ENPP6: variants seen among roughly 807,000 people sequenced by gnomAD.
The protein encoded by ENPP6 is ectonucleotide pyrophosphatase/phosphodiesterase 6, also known as glycerophosphocholine cholinephosphodiesterase ENPP6.
ENPP6 carries 32 observed loss-of-function variants against 42.0 expected under a neutral mutation model. The observed-to-expected ratio is 0.76, with a 90% confidence interval of 0.58 to 1.02. The LOEUF is 1.02. ENPP6 is among the 50% of genes least tolerant of loss of function. The pLI, the probability that ENPP6 is intolerant of heterozygous loss-of-function variation, is 0.00. For synonymous variants in ENPP6, 213 were observed against 216.0 expected (o/e 0.99, Z 0.12); for missense variants, 552 against 566.8 (o/e 0.97, Z 0.27).
rs569981988 is a variant in ENPP6, at chr4:184,143,805, T to C, written c.421+9749A>G. 2.6e-5 allele frequency among the ~76,000 whole-genome samples: 4 copies of C among 152,306 alleles called. No individual in the cohort carries two copies. In the East Asian group the frequency reaches 5.8e-4, roughly 22 times the overall value. On this transcript the variant is annotated intron_variant, in intron 2 of 7. Coordinates refer to ENST00000296741, the MANE Select transcript of ENPP6 (RefSeq NM_153343.4). The stretch of plus-strand genomic sequence containing the variant: ...AGTGGCTGCATGGATCTGGAATCCA[T>C]GTTCTGGCTTTTTAAAAAAACATCT...
intron 1 of ENPP6, among the ~76,000 whole-genome samples, chr4:184,193,875 A>C (rs1430445288): frequency 6.6e-6 from 1 of 152,076 alleles, no homozygotes; most frequent in East Asian, 1.9e-4. Flanking sequence ...CCCCTAACCT[A>C]AGGGTGTTTT....
Position 184,089,969 on chromosome 4 carries a change from A to G in ENPP6, c.*1208T>C, listed in dbSNP as rs1735759307. 1 of 152,200 alleles carries G rather than the reference A, an allele frequency of 6.6e-6. No homozygotes were observed. Among genetic ancestry groups the G allele is most frequent in the African/African-American group, 2.4e-5 (1 of 41,446 alleles). The allele number at this position is 152,200 out of a possible 1,614,324, so 9.4% of individuals were successfully genotyped here. ...TGGCTCTTCTCAAAGGTATCAAAAG[A>G]ACTTAGGTCTCAAAGGTGGTACTTT... On this transcript the variant is annotated 3_prime_UTR_variant, in exon 8 of 8. Coordinates refer to ENST00000296741, the MANE Select transcript of ENPP6 (RefSeq NM_153343.4).
chr4:184,107,954 T>C (rs1736131497), intron 6 of ENPP6, among the ~76,000 whole-genome samples: 1 of 152,136 alleles, frequency 6.6e-6, no homozygotes, highest in Admixed American at 6.5e-5. Context: ...TGTCTTTATC[T>C]TTTTCAGTGA....
At chr4:184,165,586 T>G (rs887830720) in intron 1 of ENPP6, among the ~76,000 whole-genome samples, 1 of 152,202 alleles carries the variant, frequency 6.6e-6, no homozygotes, top group Non-Finnish European at 1.5e-5. Context: ...TGCCAGACAT[T>G]CTCTTATCTC....
chr4:184,194,006 G>A (rs1349636430), intron 1 of ENPP6, among the ~76,000 whole-genome samples: 1 of 152,050 alleles, frequency 6.6e-6, no homozygotes, highest in East Asian at 1.9e-4. Context: ...GGCCTCTGTT[G>A]CCACGGTCCC....
chr4:184,131,240 CTT>C (rs1169943183), intron 2 of ENPP6, among the ~76,000 whole-genome samples: 2,110 of 44,412 alleles, frequency 0.048, 163 homozygotes, highest in Middle Eastern at 0.087. Flanking sequence ...CTTTCCTTTT[CTT>C]TCTTTCTTTC....
intron 2 of ENPP6, among the ~76,000 whole-genome samples, chr4:184,151,202 G>A (rs531278783): frequency 1.2e-4 from 18 of 152,218 alleles, no homozygotes; most frequent in Admixed American, 4.6e-4. Context: ...GCCAGGCGTG[G>A]TGGTGCACGC....
intron 1 of ENPP6, among the ~76,000 whole-genome samples, chr4:184,162,465 TG>T (rs1367370473): frequency 6.6e-6 from 1 of 152,106 alleles, no homozygotes; most frequent in Non-Finnish European, 1.5e-5. Flanking sequence ...ATTTCAACTT[TG>T]GAAGCCTATT....
At chr4:184,201,314 T>C (rs554991860) in intron 1 of ENPP6, among the ~76,000 whole-genome samples, 6 of 152,214 alleles carry the variant, frequency 3.9e-5, no homozygotes, top group African/African-American at 1.4e-4. Context: ...ACAGCACTCA[T>C]GCTGAGCAGG....
At chr4:184,164,097 G>T (rs950009780) in intron 1 of ENPP6, among the ~76,000 whole-genome samples, 1 of 152,222 alleles carries the variant, frequency 6.6e-6, no homozygotes, top group African/African-American at 2.4e-5. Context: ...CTACAGTGGA[G>T]AGATGACAGA....
intron 1 of ENPP6, among the ~76,000 whole-genome samples, chr4:184,197,700 T>G (rs946799732): frequency 6.6e-6 from 1 of 152,178 alleles, no homozygotes; most frequent in Non-Finnish European, 1.5e-5. Context: ...TGGGATGTAG[T>G]GGATTTTGTT....
intron 1 of ENPP6, among the ~76,000 whole-genome samples, chr4:184,163,431 G>A (rs1737299815): frequency 6.6e-6 from 1 of 152,086 alleles, no homozygotes; most frequent in East Asian, 1.9e-4. Flanking sequence ...GGACCTCCCG[G>A]CTTCTCATAT....
In ENPP6 at chr4:184,102,333, C is replaced by T. The variant is rs115312061; in HGVS notation, c.994-4965G>A. Among the ~76,000 whole-genome samples, 729 of 152,176 alleles carry T rather than the reference C, an allele frequency of 4.8e-3. 9 individuals carry two copies. The highest frequency in any genetic ancestry group is 0.017 in the African/African-American group (693 of 41,500). On this transcript the variant is annotated intron_variant, in intron 6 of 7. Transcript: ENST00000296741. ...CAGAGGGAGGGGTGGAAGGACAGGA[C>T]GAGGCGAGGAGCACTGAGTGGTCCA...
At chr4:184,205,826 G>C (rs947895317) in intron 1 of ENPP6, among the ~76,000 whole-genome samples, 1 of 152,200 alleles carries the variant, frequency 6.6e-6, no homozygotes, top group Non-Finnish European at 1.5e-5. Context: ...TTCACTGTGA[G>C]ACAGAGGAAG....
At chr4:184,102,293 G>T (rs1172346108) in intron 6 of ENPP6, among the ~76,000 whole-genome samples, 1 of 152,158 alleles carries the variant, frequency 6.6e-6, no homozygotes, top group African/African-American at 2.4e-5. Context: ...GCTGCGCTGG[G>T]AGTGAAGGTG....
intron 1 of ENPP6, among the ~76,000 whole-genome samples, chr4:184,157,900 A>G (rs1737200592): frequency 1.3e-5 from 2 of 151,594 alleles, no homozygotes; most frequent in South Asian, 4.2e-4. Flanking sequence ...AATTACAGGC[A>G]TGAGCCACTG....
intron 3 of ENPP6, 126 bp from the exon 4 acceptor site, chr4:184,118,026 C>A (rs1736354486): frequency 8.3e-7 from 1 of 1,205,472 alleles, no homozygotes; most frequent in East Asian, 2.6e-5. Flanking sequence ...CCAGACAAAG[C>A]CAATACCCTA....
rs1190507818 is a variant in ENPP6, at chr4:184,153,571, T to C, written c.404A>G (p.Tyr135Cys). ...VTLTKAKRKV[Y>C]MYYWPGCEVE... ...ACACTCACCTGGCCAGTAGTACATG[T>C]AGACCTTCCTTTTGGCCTTGGTCAG... The change falls in exon 2 of 8, where the codon TAC becomes TGC. Residue 135 changes from tyrosine to cysteine, a missense_variant. Physicochemically the swap from Tyr to Cys is radical, Grantham distance 194 (BLOSUM62 -2). Transcript: ENST00000296741. 1.2e-6 allele frequency: 2 copies of C among 1,614,056 alleles called. No homozygotes were observed. Among genetic ancestry groups the C allele is most frequent in the East Asian group, 4.5e-5 (2 of 44,876 alleles).
chr4:184,169,210 A>G (rs1194270684), intron 1 of ENPP6, among the ~76,000 whole-genome samples: 1 of 152,100 alleles, frequency 6.6e-6, no homozygotes, highest in African/African-American at 2.4e-5. Flanking sequence ...GAGAGGGCAA[A>G]GTGTGGCATC....
Sources: allele counts gnomAD v4.1 joint callset (sites outside exome capture counted in the v4.1 genomes callset), GRCh38; gene constraint gnomAD v4.1.1; transcripts MANE v1.5; gene names NCBI Gene and HGNC (gene_info 2026-07-23, HGNC 2026-07-21).